The following RNLS variants were observed in gnomAD, a reference collection of about 807,000 sequenced individuals.
The protein encoded by RNLS is renalase.
In RNLS, 39 loss-of-function variants were observed where a neutral mutation model predicts 39.8. The observed-to-expected ratio is 0.98, with a 90% CI of 0.76 to 1.28. The LOEUF (loss-of-function observed/expected upper bound fraction) is 1.28. Among genes scored for constraint, RNLS ranks in the 50% most tolerant of loss-of-function variants. The probability of loss-of-function intolerance (pLI) is 0.00; values close to 1 mark genes in which losing one functional copy is unlikely to be tolerated. For synonymous variants in RNLS, 147 were observed against 150.7 expected, an observed-to-expected ratio of 0.98 and a Z score of 0.18; for missense variants, 410 against 413.3, an observed-to-expected ratio of 0.99 and a Z score of 0.07.
chr10:88,446,833 C>T (rs1162250718), intron 4 of RNLS, among the ~76,000 whole-genome samples: 6 of 152,170 alleles, frequency 3.9e-5, no homozygotes, highest in Non-Finnish European at 8.8e-5. Context: ...GTGGGCTTCA[C>T]CCCTGAGATG....
At chr10:88,371,087 T>C (rs1267022034) in intron 4 of RNLS, among the ~76,000 whole-genome samples, 1 of 152,154 alleles carries the variant, frequency 6.6e-6, no homozygotes, top group Non-Finnish European at 1.5e-5. Flanking sequence ...TTTCTGACAT[T>C]TATCTGTGTG....
chr10:88,198,066 T>C, the RNLS span, among the ~76,000 whole-genome samples: 2 of 152,226 alleles, frequency 1.3e-5, no homozygotes, highest in African/African-American at 4.8e-5. Context: ...GAGGAAGTGA[T>C]TGACTCTTGA....
chr10:88,355,962 T>C (rs1849141850), intron 5 of RNLS, among the ~76,000 whole-genome samples: 1 of 152,196 alleles, frequency 6.6e-6, no homozygotes, highest in Admixed American at 6.5e-5. Context: ...GATCTCAGAC[T>C]GCTGTGCTGG....
At chr10:88,203,316 ATGTATATATATATATATATACACGTATG>A in the RNLS span, among the ~76,000 whole-genome samples, 3 of 4,856 alleles carry the variant, frequency 6.2e-4, 1 homozygote, top group Non-Finnish European at 1.3e-3. Flanking sequence ...ATATATACGT[ATGTATATATATATATATATACACGTATG>A]TGTATATATA....
chr10:88,337,551 T>C (rs1405262449), intron 5 of RNLS, among the ~76,000 whole-genome samples: 1 of 152,226 alleles, frequency 6.6e-6, no homozygotes, highest in African/African-American at 2.4e-5. Flanking sequence ...GAAAATGGTC[T>C]TGCTCTCTCT....
chr10:88,191,323 G>A, the RNLS span, among the ~76,000 whole-genome samples: 1 of 152,048 alleles, frequency 6.6e-6, no homozygotes, highest in Non-Finnish European at 1.5e-5. Context: ...GTACTCTTGG[G>A]TCTGAGTCCC....
At chr10:88,514,700 A>G (rs1389345707) in intron 4 of RNLS, among the ~76,000 whole-genome samples, 1 of 152,092 alleles carries the variant, frequency 6.6e-6, no homozygotes, top group Non-Finnish European at 1.5e-5. Context: ...TTCACTTAGT[A>G]TAATGTCCTT....
At chr10:88,540,503 AT>A (rs1339083711) in intron 4 of RNLS, among the ~76,000 whole-genome samples, 3 of 152,086 alleles carry the variant, frequency 2.0e-5, no homozygotes, top group Admixed American at 2.0e-4. Flanking sequence ...CAAAGCAAAT[AT>A]TTTCCCTTTG....
chr10:88,500,066 C>G (rs1434389304), intron 4 of RNLS, among the ~76,000 whole-genome samples: 1 of 152,110 alleles, frequency 6.6e-6, no homozygotes, highest in Non-Finnish European at 1.5e-5. Context: ...TTAATGAGAG[C>G]AAAGCTCTGC....
chr10:88,199,235 G>T, the RNLS span, among the ~76,000 whole-genome samples: 21 of 152,252 alleles, frequency 1.4e-4, no homozygotes, highest in Non-Finnish European at 2.9e-4. Flanking sequence ...ACTGCTGTGC[G>T]GTGGAAACAT....
intron 4 of RNLS, among the ~76,000 whole-genome samples, chr10:88,551,187 CAA>C (rs919396530): frequency 6.6e-6 from 1 of 152,056 alleles, no homozygotes; most frequent in South Asian, 2.1e-4. Flanking sequence ...GAAGAAAAGC[CAA>C]AAAACTACTT....
chr10:88,180,134 G>C, the RNLS span, among the ~76,000 whole-genome samples: 1 of 152,162 alleles, frequency 6.6e-6, no homozygotes, highest in Non-Finnish European at 1.5e-5. Flanking sequence ...GGTGGGGACA[G>C]CAAATTGTTT....
chr10:88,392,633 C>A (rs1407067474), intron 4 of RNLS, among the ~76,000 whole-genome samples: 1 of 152,156 alleles, frequency 6.6e-6, no homozygotes, highest in Non-Finnish European at 1.5e-5. Context: ...TTAGCTCAAA[C>A]AAAACAAGCA....
At chr10:88,544,109 TA>T (rs1390734862) in intron 4 of RNLS, among the ~76,000 whole-genome samples, 2 of 152,174 alleles carry the variant, frequency 1.3e-5, no homozygotes, top group Non-Finnish European at 2.9e-5. Flanking sequence ...AATGGGATTA[TA>T]ATGTGAGGAC....
At chr10:88,394,642 C>T (rs565420850) in intron 4 of RNLS, among the ~76,000 whole-genome samples, 5 of 152,028 alleles carry the variant, frequency 3.3e-5, no homozygotes, top group African/African-American at 1.2e-4. Context: ...GTGGCGATTC[C>T]TCAGGGATCT....
At chr10:88,197,434 T>A in the RNLS span, among the ~76,000 whole-genome samples, 1 of 152,140 alleles carries the variant, frequency 6.6e-6, no homozygotes, top group Admixed American at 6.6e-5. Flanking sequence ...CAGCAGTGTC[T>A]CTTCCTTCCC....
chr10:88,496,016 A>G (rs1845154859), intron 4 of RNLS, among the ~76,000 whole-genome samples: 1 of 152,120 alleles, frequency 6.6e-6, no homozygotes, highest in African/African-American at 2.4e-5. Flanking sequence ...AATAAGACAA[A>G]CATTTTTAAC....
chr10:88,494,008 A>G (rs1408406370), intron 4 of RNLS, among the ~76,000 whole-genome samples: 2 of 152,186 alleles, frequency 1.3e-5, no homozygotes, highest in Non-Finnish European at 2.9e-5. Flanking sequence ...TTGTCATGAT[A>G]TGCATGCCAA....
intron 4 of RNLS, among the ~76,000 whole-genome samples, chr10:88,550,323 T>C (rs10430643): frequency 0.45 from 67,833 of 152,034 alleles, 16,183 homozygotes; most frequent in African/African-American, 0.61. Flanking sequence ...ATGTAACTTA[T>C]GTAGATATTA....
Sources: gnomAD v4.1 joint callset for allele counts (sites outside exome capture counted in the v4.1 genomes callset) on GRCh38, gnomAD v4.1.1 for gene constraint, MANE v1.5 for transcripts, NCBI Gene and HGNC (gene_info 2026-07-23, HGNC 2026-07-21) for gene names.